Variants in CABIN1 observed in about 807,000 individuals in gnomAD.
The protein encoded by CABIN1 is calcineurin binding protein 1, also known as calcineurin-binding protein cabin-1.
Under a neutral mutation model 227.7 loss-of-function variants are expected in CABIN1, and 133 were observed. The ratio of observed to expected loss-of-function variants is 0.58; its 90% CI spans 0.51 to 0.67. The LOEUF is 0.67. Ranked by LOEUF, CABIN1 falls within the 30% of genes least tolerant of loss-of-function variation. The probability of loss-of-function intolerance (pLI) is 0.00; values close to 1 mark genes in which losing one functional copy is unlikely to be tolerated. For synonymous variants in CABIN1, 1,086 were observed against 1,155.1 expected, an observed-to-expected ratio of 0.94 and a Z score of 1.21; for missense variants, 2,408 against 2,852.5, an observed-to-expected ratio of 0.84 and a Z score of 3.55.
At chr22:24,028,774 G>C (rs1456695830) in intron 1 of CABIN1, among the ~76,000 whole-genome samples, 1 of 152,138 alleles carries the variant, frequency 6.6e-6, no homozygotes, top group Non-Finnish European at 1.5e-5. Flanking sequence ...CAGGTGAGCT[G>C]TCTAGAAACC....
At chr22:24,083,686 C>T (rs533541074) in intron 20 of CABIN1, among the ~76,000 whole-genome samples, 1 of 152,226 alleles carries the variant, frequency 6.6e-6, no homozygotes, top group South Asian at 2.1e-4. Flanking sequence ...TTACTTGAGG[C>T]CAGAATTTTA....
At chr22:24,080,653 C>T (rs1447241862) in intron 19 of CABIN1, among the ~76,000 whole-genome samples, 1 of 151,676 alleles carries the variant, frequency 6.6e-6, no homozygotes, top group African/African-American at 2.4e-5. Flanking sequence ...AAAATTGTTG[C>T]GTATATTTTG....
chr22:24,066,862 G>C (rs2039718770), intron 15 of CABIN1, 125 bp from the exon 16 acceptor site: 11 of 842,448 alleles, frequency 1.3e-5, no homozygotes, highest in South Asian at 8.9e-5. Context: ...AATTTTTTTT[G>C]GGCTGGAACA....
intron 29 of CABIN1, among the ~76,000 whole-genome samples, chr22:24,135,371 CAG>C (rs773446562): frequency 6.6e-5 from 10 of 151,996 alleles, no homozygotes; most frequent in Non-Finnish European, 1.3e-4. Flanking sequence ...GCCGGGGAGA[CAG>C]AGTGAGACTC....
chr22:24,063,223 G>GGT (rs531695620), intron 14 of CABIN1, 77 bp downstream of exon 14: 49 of 1,430,704 alleles, frequency 3.4e-5, no homozygotes, highest in African/African-American at 5.7e-5. Context: ...CCATGTTGAG[G>GGT]GTGTGTGTGT....
At chr22:24,054,550 T>C (rs141983286) in intron 8 of CABIN1, among the ~76,000 whole-genome samples, 1 of 152,324 alleles carries the variant, frequency 6.6e-6, no homozygotes, top group Non-Finnish European at 1.5e-5. Flanking sequence ...GTTTTTGAAG[T>C]GAGTCAATGG....
chr22:24,138,677 T>C (rs1248114819), intron 29 of CABIN1, among the ~76,000 whole-genome samples: 1 of 152,168 alleles, frequency 6.6e-6, no homozygotes, highest in African/African-American at 2.4e-5. Context: ...CTGTAATTGT[T>C]TCTCTCCAGG....
intron 29 of CABIN1, among the ~76,000 whole-genome samples, chr22:24,139,497 C>G (rs564482489): frequency 6.6e-6 from 1 of 150,900 alleles, no homozygotes; most frequent in African/African-American, 2.4e-5. Flanking sequence ...ACTCAGGAGG[C>G]GGAGGTTGTA....
At chr22:24,157,304 G>GCT (rs2045891472) in intron 29 of CABIN1, among the ~76,000 whole-genome samples, 1 of 152,196 alleles carries the variant, frequency 6.6e-6, no homozygotes, top group African/African-American at 2.4e-5. Flanking sequence ...AAGATAGGGA[G>GCT]CTGCTGGTCT....
At chr22:24,175,081 C>T (rs1190634029) in intron 34 of CABIN1, among the ~76,000 whole-genome samples, 1 of 152,262 alleles carries the variant, frequency 6.6e-6, no homozygotes, top group Non-Finnish European at 1.5e-5. Flanking sequence ...AGCATACCTT[C>T]TTCAGCCTGG....
At position 24,030,162 on chromosome 22, in the gene CABIN1, G is replaced by A. The variant is rs189502045; in HGVS notation, c.-74-5282G>A. Among the ~76,000 whole-genome samples the A allele has an allele frequency of 2.3e-3, 356 of 152,270 alleles. 13 individuals carry two copies. The highest frequency in any genetic ancestry group is 0.021 in the Admixed American group (318 of 15,296). On this transcript the variant is annotated intron_variant, in intron 1 of 36. Transcript: ENST00000263119. ...CTGAGCAAATACAATTTATTCTATG[G>A]CCATCAGCAAACCTGTTCGGAGCTC...
chr22:24,032,653 T>A (rs1268283422), intron 1 of CABIN1, among the ~76,000 whole-genome samples: 1 of 152,250 alleles, frequency 6.6e-6, no homozygotes, highest in East Asian at 1.9e-4. Context: ...TACTTGTTAT[T>A]TTCTGGCTTT....
chr22:24,058,960 G>T (rs543895426), intron 10 of CABIN1, among the ~76,000 whole-genome samples: 31 of 152,344 alleles, frequency 2.0e-4, no homozygotes, highest in Admixed American at 3.9e-4. Context: ...TGTATTTGGT[G>T]CCTAGCACAG....
chr22:24,176,135 C>T lies in CABIN1; in HGVS notation c.6065C>T (p.Ala2022Val). 6.2e-7 allele frequency: 1 copy of T among 1,610,640 alleles called. No individual in the cohort carries two copies. The highest frequency in any genetic ancestry group is 8.5e-7 in the Non-Finnish European group (1 of 1,179,084). ...GAGGGAGAAGAGCTGGCGAGAGTGG[C>T]AGAGGGCACCAGCTTCCCGCCTCAG... ...GPEGEELARVAEGTSFPPQEP... is the reference protein window; with the variant it reads ...GPEGEELARVVEGTSFPPQEP... The change falls in exon 35 of 37, where the codon GCA (alanine) becomes GTA (valine). Residue 2022 changes from alanine (A) to valine (V), a missense_variant. Physicochemically the swap from Ala to Val is moderately conservative, Grantham distance 64 (BLOSUM62 0). This residue lies in a region of CABIN1 where 714 missense variants were observed against 773.8 expected (regional missense o/e 0.92). Coordinates refer to ENST00000263119, the MANE Select transcript of CABIN1 (RefSeq NM_012295.4).
At chr22:24,082,085 CT>C (rs71184946) in intron 19 of CABIN1, among the ~76,000 whole-genome samples, 18,009 of 121,056 alleles carry the variant, frequency 0.15, 944 homozygotes, top group Admixed American at 0.23. Flanking sequence ...TATTCTCTCT[CT>C]TTTTTTTTTT....
At chr22:24,138,791 G>A (rs1173253390) in intron 29 of CABIN1, among the ~76,000 whole-genome samples, 1 of 152,136 alleles carries the variant, frequency 6.6e-6, no homozygotes, top group Non-Finnish European at 1.5e-5. Flanking sequence ...TTGAAACATG[G>A]ACAACTATGT....
At chr22:24,068,546 T>C (rs2039859150) in intron 16 of CABIN1, among the ~76,000 whole-genome samples, 1 of 152,252 alleles carries the variant, frequency 6.6e-6, no homozygotes, top group Admixed American at 6.5e-5. Flanking sequence ...GGGCTGTGCT[T>C]GAGGTCGGAG....
intron 1 of CABIN1, among the ~76,000 whole-genome samples, chr22:24,027,639 G>C (rs748322118): frequency 5.3e-5 from 8 of 152,230 alleles, no homozygotes; most frequent in Non-Finnish European, 1.2e-4. Context: ...GATTAATGTT[G>C]TTATTATGGG....
rs532513079 is a variant in CABIN1 at position 24,128,849 on chromosome 22, A to AC, written c.4633-5451dup. Among the ~76,000 whole-genome samples, 36 of 152,240 alleles carry AC rather than the reference A, an allele frequency of 2.4e-4. No homozygotes were observed. In the East Asian group the frequency reaches 6.9e-3, roughly 29 times the overall value. On this transcript the variant is annotated intron_variant, in intron 28 of 36. Coordinates refer to ENST00000263119, the MANE Select transcript of CABIN1 (RefSeq NM_012295.4). ...AGGCTGGCACTGCTCCAGGATCCCC[A>AC]CCAGACAGTTTGCACACCTGGAGTC... is the stretch of plus-strand genomic sequence containing the variant.
Sources: gnomAD v4.1 joint callset for allele counts (sites outside exome capture counted in the v4.1 genomes callset) on GRCh38, gnomAD v4.1.1 for gene constraint, gnomAD v4.1.1 regional missense constraint, MANE v1.5 for transcripts, NCBI Gene and HGNC (gene_info 2026-07-23, HGNC 2026-07-21) for gene names.